The following RORB variants were observed in gnomAD, a reference collection of about 807,000 sequenced individuals.
RORB encodes nuclear receptor ROR-beta.
RORB carries 6 observed loss-of-function variants against 59.1 expected under a neutral mutation model. That is an observed-to-expected ratio of 0.10 (90% CI 0.06 to 0.20). The LOEUF (loss-of-function observed/expected upper bound fraction) is 0.20. Among genes scored for constraint, RORB ranks in the 10% least tolerant of loss-of-function variants. The pLI, the probability that RORB is intolerant of heterozygous loss-of-function variation, is 1.00. For missense variants in RORB, 320 were observed against 560.5 expected (o/e 0.57, Z 4.33); for synonymous variants, 215 against 204.5 (o/e 1.05, Z -0.44).
intron 1 of RORB, among the ~76,000 whole-genome samples, chr9:74,557,560 A>C (rs1021270147): frequency 2.0e-4 from 30 of 152,136 alleles, no homozygotes; most frequent in Non-Finnish European, 5.9e-5. Flanking sequence ...GGAACATCCA[A>C]CCTCATGCAC....
At chr9:74,669,018 C>G (rs184847349) in intron 8 of RORB, among the ~76,000 whole-genome samples, 6 of 152,238 alleles carry the variant, frequency 3.9e-5, no homozygotes, top group African/African-American at 1.4e-4. Flanking sequence ...ACATTTGACC[C>G]CTCAGAGCCC....
At chr9:74,680,088 C>T (rs868061847) in intron 9 of RORB, among the ~76,000 whole-genome samples, 15 of 151,982 alleles carry the variant, frequency 9.9e-5, no homozygotes, top group South Asian at 2.1e-4. Flanking sequence ...GTCAACAGAG[C>T]GAGACTGTGT....
intron 1 of RORB, among the ~76,000 whole-genome samples, chr9:74,523,993 TCAA>T (rs1468880818): frequency 5.9e-5 from 8 of 134,866 alleles, no homozygotes; most frequent in African/African-American, 2.2e-4. Context: ...ATTCACTGAA[TCAA>T]CGACACCTTT....
chr9:74,569,582 T>TA (rs2118222800), intron 1 of RORB, among the ~76,000 whole-genome samples: 1 of 152,204 alleles, frequency 6.6e-6, no homozygotes, highest in Admixed American at 6.5e-5. Context: ...ATAGCAAATG[T>TA]AAAAACCAGT....
chr9:74,530,596 A>AT (rs1826223397), intron 1 of RORB, among the ~76,000 whole-genome samples: 1 of 151,920 alleles, frequency 6.6e-6, no homozygotes, highest in Non-Finnish European at 1.5e-5. Context: ...GTAATTATTC[A>AT]TTTTCCTTTA....
intron 9 of RORB, among the ~76,000 whole-genome samples, chr9:74,683,542 G>A (rs1824583714): frequency 6.6e-6 from 1 of 152,062 alleles, no homozygotes; most frequent in Non-Finnish European, 1.5e-5. Context: ...CTCACCCACT[G>A]CTGCAGCGAC....
At chr9:74,660,404 C>T (rs1824160893) in intron 4 of RORB, among the ~76,000 whole-genome samples, 1 of 151,786 alleles carries the variant, frequency 6.6e-6, no homozygotes, top group Non-Finnish European at 1.5e-5. Flanking sequence ...ATCAAAAGAC[C>T]TGGGGGAAAG....
At chr9:74,536,834 T>G (rs753616235) in intron 1 of RORB, among the ~76,000 whole-genome samples, 11 of 152,046 alleles carry the variant, frequency 7.2e-5, no homozygotes, top group Non-Finnish European at 1.5e-4. Flanking sequence ...TTCAAAAAGC[T>G]TTTAACTTGC....
chr9:74,656,493 T>C (rs1824083677), intron 4 of RORB, among the ~76,000 whole-genome samples: 1 of 152,216 alleles, frequency 6.6e-6, no homozygotes. Context: ...CCCAACACTT[T>C]GGGAAGCCAA....
chr9:74,505,235 C>A (rs1825854460), intron 1 of RORB, among the ~76,000 whole-genome samples: 1 of 151,988 alleles, frequency 6.6e-6, no homozygotes, highest in African/African-American at 2.4e-5. Flanking sequence ...AAATGTCTCT[C>A]CTTATCTGAA....
rs1824746218 is a variant in RORB, at chr9:74,691,909, G to C, written c.*6291G>C. 6.6e-6 allele frequency: 1 copy of C among 151,886 alleles called. No homozygotes were observed. Among genetic ancestry groups the C allele is most frequent in the Admixed American group, 6.6e-5 (1 of 15,248 alleles). 9.4% of individuals were successfully genotyped at this position (151,886 alleles called of 1,614,324 possible). A position where few individuals can be genotyped will look rare whatever the true frequency, so the allele number is the denominator to read the frequency against. On this transcript the variant is annotated 3_prime_UTR_variant, in exon 10 of 10. Coordinates refer to ENST00000376896, the MANE Select transcript of RORB (RefSeq NM_006914.4). The stretch of plus-strand genomic sequence containing the variant: ...GAATTTGTATTGAAGATTGGCCTAA[G>C]ACCTGCAAACTCCATCTATAACTAG...
intron 1 of RORB, among the ~76,000 whole-genome samples, chr9:74,564,056 A>G (rs147955433): frequency 4.3e-4 from 66 of 152,322 alleles, no homozygotes; most frequent in African/African-American, 1.5e-3. Flanking sequence ...TCTTCGACAC[A>G]TATCATCAAG....
intron 1 of RORB, among the ~76,000 whole-genome samples, chr9:74,621,674 A>G (rs144564532): frequency 5.4e-4 from 82 of 152,342 alleles, no homozygotes; most frequent in African/African-American, 1.9e-3. Flanking sequence ...ACTGCCTTCC[A>G]AAGTGGGTGT....
intron 8 of RORB, 43 bp downstream of exon 8, chr9:74,667,944 T>C (rs764292120): frequency 7.8e-7 from 1 of 1,275,372 alleles, no homozygotes; most frequent in South Asian, 1.2e-5. Flanking sequence ...AAAACTTGTT[T>C]TACTATTTTT....
At chr9:74,534,599 AAGTC>A (rs1268910919) in intron 1 of RORB, among the ~76,000 whole-genome samples, 6 of 152,020 alleles carry the variant, frequency 3.9e-5, no homozygotes, top group Non-Finnish European at 5.9e-5. Flanking sequence ...AGTCTGGAAA[AAGTC>A]AGACTGAGTT....
intron 4 of RORB, among the ~76,000 whole-genome samples, chr9:74,658,842 T>C (rs533545758): frequency 9.2e-5 from 14 of 152,316 alleles, no homozygotes; most frequent in Admixed American, 2.6e-4. Context: ...ACTTTGAATA[T>C]AGGATTTTTT....
intron 9 of RORB, among the ~76,000 whole-genome samples, chr9:74,678,692 G>A (rs1477786222): frequency 2.0e-5 from 3 of 152,032 alleles, no homozygotes; most frequent in Admixed American, 1.3e-4. Context: ...GTCATTTATG[G>A]TTATTTTTAT....
chr9:74,508,352 T>C (rs928332454), intron 1 of RORB, among the ~76,000 whole-genome samples: 2 of 151,958 alleles, frequency 1.3e-5, no homozygotes, highest in African/African-American at 4.8e-5. Flanking sequence ...CAGAATAAAT[T>C]AAAATTTATG....
intron 2 of RORB, among the ~76,000 whole-genome samples, chr9:74,633,660 A>G (rs1406122282): frequency 2.6e-5 from 4 of 152,192 alleles, no homozygotes; most frequent in African/African-American, 9.6e-5. Flanking sequence ...AGAGTTTTCT[A>G]TAAGACAACT....
Sources: gnomAD v4.1 joint callset for allele counts (sites outside exome capture counted in the v4.1 genomes callset) on GRCh38, gnomAD v4.1.1 for gene constraint, MANE v1.5 for transcripts, NCBI Gene and HGNC (gene_info 2026-07-23, HGNC 2026-07-21) for gene names.